CP: variants seen among roughly 807,000 people sequenced by gnomAD.
CP encodes the protein caeruloplasmin.
A neutral mutation model predicts 122.4 loss-of-function variants in CP; 64 were observed. That is an observed-to-expected ratio of 0.52 (90% CI 0.43 to 0.64). The LOEUF is 0.64. Ranked by LOEUF, CP falls within the 30% of genes least tolerant of loss-of-function variation. CP has a pLI of 0.00. For missense variants in CP, 1,167 were observed against 1,284.4 expected (o/e 0.91, Z 1.40); for synonymous variants, 440 against 436.4 (o/e 1.01, Z -0.10).
At chr3:149,218,565 C>T (rs1728609301) in intron 1 of CP, among the ~76,000 whole-genome samples, 1 of 152,090 alleles carries the variant, frequency 6.6e-6, no homozygotes, top group African/African-American at 2.4e-5. Context: ...TTGCACTAAC[C>T]CTGCATATAA....
intron 9 of CP, among the ~76,000 whole-genome samples, chr3:149,190,494 C>T (rs1726471086): frequency 6.6e-6 from 1 of 152,002 alleles, no homozygotes; most frequent in Non-Finnish European, 1.5e-5. Flanking sequence ...CCCATCTCTA[C>T]TAAAAATACA....
In CP at chr3:149,207,554, T is replaced by C. The variant is rs1727828677; in HGVS notation, c.845A>G (p.Lys282Arg). 2 of 1,613,988 alleles carry C rather than the reference T, an allele frequency of 1.2e-6. No individual in the cohort carries two copies. The highest frequency in any genetic ancestry group is 1.7e-6 in the Non-Finnish European group (2 of 1,179,864). ...ATTACCCATACCAAAAAGGTACCAT[T>C]TTACTCTGTCTTCAGCACACATGGA... Reference protein sequence around the residue: ...GLSMCAEDRVKWYLFGMGNEV... With the variant: ...GLSMCAEDRVRWYLFGMGNEV... The change falls in exon 5 of 19, where the codon AAA (lysine) becomes AGA (arginine). Residue 282 changes from lysine to arginine, a missense_variant. Lys to Arg is a conservative substitution (Grantham distance 26, BLOSUM62 2). This residue lies in a region of CP where 642 missense variants were observed against 627.3 expected (regional missense o/e 1.02). Transcript: ENST00000264613.
At chr3:149,215,100 A>G (rs910693194) in intron 1 of CP, among the ~76,000 whole-genome samples, 3 of 152,240 alleles carry the variant, frequency 2.0e-5, no homozygotes, top group African/African-American at 7.2e-5. Context: ...ATGCTTTACC[A>G]TGTCCTATTG....
chr3:149,178,813 G>T (rs775928561), intron 15 of CP, among the ~76,000 whole-genome samples, 182 bp from the exon 16 acceptor site: 6 of 152,202 alleles, frequency 3.9e-5, no homozygotes, highest in Non-Finnish European at 7.3e-5. Flanking sequence ...GAACAATGGT[G>T]AGTAGTAGGT....
intron 9 of CP, among the ~76,000 whole-genome samples, chr3:149,193,031 T>C (rs1315312026): frequency 1.3e-5 from 2 of 152,022 alleles, no homozygotes; most frequent in Non-Finnish European, 2.9e-5. Flanking sequence ...AAGAAATTTC[T>C]TTAACCCTTA....
chr3:149,187,867 A>C (rs1176661556), intron 10 of CP, 185 bp downstream of exon 10: 1 of 627,226 alleles, frequency 1.6e-6, no homozygotes, highest in East Asian at 2.8e-5. Flanking sequence ...ATCTTGAATT[A>C]AGTGAAATAA....
downstream of CP, chr3:149,167,760 TA>T: frequency 1.4e-6 from 1 of 696,110 alleles, no homozygotes; most frequent in Non-Finnish European, 2.6e-6. Flanking sequence ...ACTTATGTTA[TA>T]ACAAAGTTAG....
At chr3:149,197,398 A>C (rs1726962495) in intron 9 of CP, among the ~76,000 whole-genome samples, 1 of 152,182 alleles carries the variant, frequency 6.6e-6, no homozygotes, top group African/African-American at 2.4e-5. Flanking sequence ...AACACTGATT[A>C]GTTTATGAAT....
chr3:149,195,152 T>A (rs1726818846), intron 9 of CP, among the ~76,000 whole-genome samples: 1 of 152,226 alleles, frequency 6.6e-6, no homozygotes, highest in Non-Finnish European at 1.5e-5. Context: ...CTATCAGATT[T>A]GTGAAAATCC....
intron 6 of CP, among the ~76,000 whole-genome samples, chr3:149,204,261 A>G (rs907739462): frequency 3.3e-5 from 5 of 152,192 alleles, no homozygotes; most frequent in African/African-American, 9.7e-5. Context: ...TCCCTCTGGC[A>G]GATGTTTGGA....
At chr3:149,209,171 G>A in intron 4 of CP, 40 bp downstream of exon 4, 1 of 1,611,774 alleles carries the variant, frequency 6.2e-7, no homozygotes, top group South Asian at 1.1e-5. Context: ...ATGGATCAAG[G>A]GAAAAAAAAG....
At chr3:149,187,325 T>C (rs1726241708) in intron 10 of CP, among the ~76,000 whole-genome samples, 1 of 152,226 alleles carries the variant, frequency 6.6e-6, no homozygotes, top group Non-Finnish European at 1.5e-5. Flanking sequence ...AAAATCAGTT[T>C]GTAACACAAC....
intron 1 of CP, among the ~76,000 whole-genome samples, chr3:149,219,861 C>T (rs1002202860): frequency 2.7e-5 from 4 of 150,828 alleles, no homozygotes; most frequent in Non-Finnish European, 5.9e-5. Context: ...GCTCAGATGA[C>T]AGGAAGGTAT....
intron 2 of CP, among the ~76,000 whole-genome samples, chr3:149,210,821 T>G (rs1471034740): frequency 6.6e-6 from 1 of 152,196 alleles, no homozygotes; most frequent in African/African-American, 2.4e-5. Context: ...TGAACCTCTG[T>G]GTACCCATCA....
chr3:149,207,521 TCAA>T lies in CP; in HGVS notation c.875_877del (p.Val292del). 6.2e-7 allele frequency: 1 copy of T among 1,614,026 alleles called. No individual in the cohort carries two copies. Among genetic ancestry groups the T allele is most frequent in the Non-Finnish European group, 8.5e-7 (1 of 1,179,882 alleles). ...CCCGTGAAAGAAAGCTGCGTGCACA[TCAA>T]CTTCATTACCCATACCAAAAAGGTA... On this transcript the variant is annotated inframe_deletion, in exon 5 of 19. Transcript: ENST00000264613.
At chr3:149,170,582 G>C (rs1724881035), downstream of CP, 1 of 152,186 alleles carries the variant, frequency 6.6e-6, no homozygotes, top group African/African-American at 2.4e-5. Flanking sequence ...CGGTGAGTTG[G>C]TGGAAGAGTC....
Position 149,198,534 on chromosome 3 carries a change from T to C in CP, c.1546A>G (p.Thr516Ala), listed in dbSNP as rs780668014. 23 of 1,613,928 alleles carry C rather than the reference T, an allele frequency of 1.4e-5. No individual in the cohort carries two copies. The highest frequency in any genetic ancestry group is 1.6e-4 in the Middle Eastern group (1 of 6,080). ...TCTTTGGGGACAGTCCATTCATAGGTGAATGTTTCTGTGGGTGCCACATGG... is the reference window on the plus strand; with the variant it reads ...TCTTTGGGGACAGTCCATTCATAGGCGAATGTTTCTGTGGGTGCCACATGG... The part of the protein sequence containing the change: ...ASHVAPTETF[T>A]YEWTVPKEVG... The change falls in exon 9 of 19, where the codon ACC becomes GCC. Residue 516 changes from threonine (T) to alanine (A), a missense_variant. Around this residue, in one of 2 missense-constraint regions of CP, gnomAD observed 642 missense variants for 627.3 expected, o/e 1.02. Coordinates refer to ENST00000264613, the MANE Select transcript of CP (RefSeq NM_000096.4).
chr3:149,176,028 A>G (rs940351249), intron 18 of CP: 1 of 564,592 alleles, frequency 1.8e-6, no homozygotes, highest in African/African-American at 1.9e-5. Flanking sequence ...CTTAGAAATG[A>G]CTGGTGCTGT....
At chr3:149,205,452 A>T (rs953367548) in intron 6 of CP, among the ~76,000 whole-genome samples, 2 of 151,522 alleles carry the variant, frequency 1.3e-5, no homozygotes, top group African/African-American at 4.8e-5. Flanking sequence ...AATTGTTCAT[A>T]GCAACATTAG....
Sources: gnomAD v4.1 joint callset for allele counts (sites outside exome capture counted in the v4.1 genomes callset) on GRCh38, gnomAD v4.1.1 for gene constraint, gnomAD v4.1.1 regional missense constraint, MANE v1.5 for transcripts, NCBI Gene and HGNC (gene_info 2026-07-23, HGNC 2026-07-21) for gene names.